Variants in SRD5A2 observed in about 807,000 individuals in gnomAD.
The protein encoded by SRD5A2 is 3-oxo-5-alpha-steroid 4-dehydrogenase 2.
Under a neutral mutation model 27.4 loss-of-function variants are expected in SRD5A2, and 30 were observed. The ratio of observed to expected loss-of-function variants is 1.10; its 90% CI spans 0.82 to 1.49. The LOEUF (loss-of-function observed/expected upper bound fraction) is 1.49, where lower values mean the gene tolerates loss of function less well. Ranked by LOEUF, SRD5A2 falls within the 40% of genes most tolerant of loss-of-function variation. SRD5A2 has a pLI of 0.00. For synonymous variants in SRD5A2, 141 were observed against 133.6 expected (o/e 1.06, Z -0.38); for missense variants, 348 against 323.4 (o/e 1.08, Z -0.58).
intron 1 of SRD5A2, 71 bp from the exon 2 acceptor site, chr2:31,533,837 C>A: frequency 6.7e-7 from 1 of 1,495,850 alleles, no homozygotes; most frequent in South Asian, 1.3e-5. Context: ...CCACCTCTTT[C>A]TTAAGCTCAC....
chr2:31,634,410 AG>A, the SRD5A2 span, among the ~76,000 whole-genome samples: 68 of 152,288 alleles, frequency 4.5e-4, 2 homozygotes, highest in East Asian at 0.01. Flanking sequence ...CTGGAATCCT[AG>A]AGAGGGAAAA....
At chr2:31,553,254 G>C (rs952172977) in intron 1 of SRD5A2, among the ~76,000 whole-genome samples, 3 of 151,958 alleles carry the variant, frequency 2.0e-5, no homozygotes, top group Non-Finnish European at 4.4e-5. Context: ...GAATGAAAGA[G>C]TTAAGAAAGC....
the SRD5A2 span, among the ~76,000 whole-genome samples, chr2:31,624,954 G>T: frequency 6.6e-6 from 1 of 152,148 alleles, no homozygotes; most frequent in Non-Finnish European, 1.5e-5. Flanking sequence ...CAAAATGGTT[G>T]AACTAGTTTA....
chr2:31,593,469 A>T, the SRD5A2 span, among the ~76,000 whole-genome samples: 2 of 152,176 alleles, frequency 1.3e-5, no homozygotes, highest in Non-Finnish European at 2.9e-5. Context: ...CTTTTGAATT[A>T]ACCCAATCTG....
chr2:31,639,141 A>G, the SRD5A2 span, among the ~76,000 whole-genome samples: 1 of 152,062 alleles, frequency 6.6e-6, no homozygotes, highest in African/African-American at 2.4e-5. Context: ...TATTTTAAAG[A>G]GATGACAACT....
chr2:31,611,994 C>G, the SRD5A2 span, among the ~76,000 whole-genome samples: 1,490 of 152,158 alleles, frequency 9.8e-3, 20 homozygotes, highest in South Asian at 0.044. Context: ...TAAGGATAAA[C>G]TGGCTGAGTG....
chr2:31,527,159 C>T (rs547637706), intron 4 of SRD5A2: 6 of 152,244 alleles, frequency 3.9e-5, no homozygotes, highest in African/African-American at 9.6e-5. Flanking sequence ...TGTTTTAAGC[C>T]GCCCAGTTTG....
chr2:31,604,473 C>A, the SRD5A2 span, among the ~76,000 whole-genome samples: 1 of 151,734 alleles, frequency 6.6e-6, no homozygotes, highest in African/African-American at 2.4e-5. Context: ...AATACAAAAT[C>A]AACATACAAA....
intron 1 of SRD5A2, among the ~76,000 whole-genome samples, chr2:31,549,720 C>A (rs1666345714): frequency 6.6e-6 from 1 of 152,052 alleles, no homozygotes. Context: ...CATCAAGCAA[C>A]AAACTGGCAA....
At chr2:31,532,458 A>G (rs562601215) in intron 2 of SRD5A2, among the ~76,000 whole-genome samples, 1 of 151,946 alleles carries the variant, frequency 6.6e-6, no homozygotes, top group Non-Finnish European at 1.5e-5. Context: ...TATCTTACTT[A>G]GCCACATATC....
At position 31,524,787 on chromosome 2, in the gene SRD5A2, C is replaced by T; in HGVS notation, c.*1409G>A. ...GACAATGCATTCCGCAAACATAGGC[C>T]TGAGAAGACAAATATTTCCATGTAT... On this transcript the variant is annotated 3_prime_UTR_variant, in exon 5 of 5. Coordinates refer to ENST00000622030, the MANE Select transcript of SRD5A2 (RefSeq NM_000348.4). The T allele has an allele frequency of 4.4e-6, 1 of 228,756 alleles. No individual in the cohort carries two copies. The highest frequency in any genetic ancestry group is 8.7e-6 in the Non-Finnish European group (1 of 115,200). The allele number at this position is 228,756 out of a possible 1,614,324, so 14.2% of individuals were successfully genotyped here. A position where few individuals can be genotyped will look rare whatever the true frequency, so the allele number is the denominator to read the frequency against.
the SRD5A2 span, among the ~76,000 whole-genome samples, chr2:31,650,649 CAT>C: frequency 6.6e-6 from 1 of 152,150 alleles, no homozygotes; most frequent in Non-Finnish European, 1.5e-5. Context: ...AAGCCAAACA[CAT>C]GTTACATGCT....
the SRD5A2 span, among the ~76,000 whole-genome samples, chr2:31,595,030 C>T: frequency 1.1e-4 from 16 of 152,022 alleles, no homozygotes; most frequent in East Asian, 2.9e-3. Context: ...GTGACACAAC[C>T]TATCGAAACC....
the SRD5A2 span, among the ~76,000 whole-genome samples, chr2:31,596,618 G>A: frequency 6.6e-6 from 1 of 152,170 alleles, no homozygotes; most frequent in Admixed American, 6.6e-5. Context: ...AAAGCTCCTA[G>A]AACTGGTAAA....
At chr2:31,614,139 C>T in the SRD5A2 span, among the ~76,000 whole-genome samples, 21 of 152,252 alleles carry the variant, frequency 1.4e-4, no homozygotes, top group East Asian at 3.9e-3. Context: ...CTCAAAAGTC[C>T]ACAGTCCAAA....
rs765174947 is a variant in SRD5A2 at position 31,524,010 on chromosome 2, T to C, written c.*2186A>G. 5 of 220,190 alleles carry C rather than the reference T, an allele frequency of 2.3e-5. No individual in the cohort carries two copies. The highest frequency in any genetic ancestry group is 3.6e-5 in the Non-Finnish European group (4 of 109,958). 13.6% of individuals were successfully genotyped at this position (220,190 alleles called of 1,614,324 possible). On this transcript the variant is annotated 3_prime_UTR_variant, in exon 5 of 5. Coordinates refer to ENST00000622030, the MANE Select transcript of SRD5A2 (RefSeq NM_000348.4). Reference sequence around the variant, plus strand: ...CCACGATCAGGCAACAGGACTGGGGTTGGACCTAATTAAGTCAAGGTTGGA... The same window carrying C: ...CCACGATCAGGCAACAGGACTGGGGCTGGACCTAATTAAGTCAAGGTTGGA...
the SRD5A2 span, chr2:31,651,745 C>T: frequency 6.5e-6 from 1 of 153,092 alleles, no homozygotes; most frequent in Non-Finnish European, 1.5e-5. Flanking sequence ...CTTGTCATCT[C>T]CAGGATGGAC....
At chr2:31,622,811 C>T in the SRD5A2 span, among the ~76,000 whole-genome samples, 2 of 152,012 alleles carry the variant, frequency 1.3e-5, no homozygotes, top group Non-Finnish European at 2.9e-5. Flanking sequence ...TGGTCATCAC[C>T]GGTTGTTGAA....
chr2:31,601,048 A>G, the SRD5A2 span, among the ~76,000 whole-genome samples: 1 of 152,042 alleles, frequency 6.6e-6, no homozygotes, highest in Non-Finnish European at 1.5e-5. Flanking sequence ...CCCCAAAGCT[A>G]GCAGAAGACA....
Sources: gnomAD v4.1 joint callset for allele counts (sites outside exome capture counted in the v4.1 genomes callset) on GRCh38, gnomAD v4.1.1 for gene constraint, MANE v1.5 for transcripts, NCBI Gene and HGNC (gene_info 2026-07-23, HGNC 2026-07-21) for gene names.